Variants in ZNF518A observed in about 807,000 individuals in gnomAD.
The protein encoded by ZNF518A is zinc finger protein 518A, also known as zinc finger protein 518.
ZNF518A carries 47 observed loss-of-function variants against 102.7 expected under a neutral mutation model. That is an observed-to-expected ratio of 0.46 (90% CI 0.36 to 0.58). The LOEUF is 0.58. Among genes scored for constraint, ZNF518A ranks in the 20% least tolerant of loss-of-function variants. The pLI, the probability that ZNF518A is intolerant of heterozygous loss-of-function variation, is 0.00. For synonymous variants in ZNF518A, 652 were observed against 594.6 expected (o/e 1.10, Z -1.40); for missense variants, 1,793 against 1,699.8 (o/e 1.05, Z -0.96).
At chr10:96,140,478 A>C (rs2081862810) in intron 3 of ZNF518A, among the ~76,000 whole-genome samples, 1 of 152,214 alleles carries the variant, frequency 6.6e-6, no homozygotes, top group Non-Finnish European at 1.5e-5. Flanking sequence ...TTCCAAATCA[A>C]AATCTGCCTA....
chr10:96,193,373 G>A (rs1554893952), intron 1 of ZNF518A, among the ~76,000 whole-genome samples: 1 of 152,190 alleles, frequency 6.6e-6, no homozygotes, highest in East Asian at 1.9e-4. Context: ...GAAAAAGTGT[G>A]TCCTGAACCT....
intron 3 of ZNF518A, among the ~76,000 whole-genome samples, chr10:96,133,958 C>T (rs1029438515): frequency 2.6e-5 from 4 of 152,200 alleles, no homozygotes; most frequent in East Asian, 1.9e-4. Flanking sequence ...CTTCCTACCA[C>T]GAGATTCACA....
intron 1 of ZNF518A, among the ~76,000 whole-genome samples, chr10:96,187,762 C>T (rs1361936473): frequency 6.6e-6 from 1 of 152,252 alleles, no homozygotes; most frequent in Non-Finnish European, 1.5e-5. Flanking sequence ...ATTCCACCAC[C>T]TAGCTTGCCT....
intron 1 of ZNF518A, among the ~76,000 whole-genome samples, chr10:96,177,897 TAA>T (rs2083215365): frequency 6.6e-6 from 1 of 152,040 alleles, no homozygotes; most frequent in Admixed American, 6.6e-5. Flanking sequence ...ACCTCAATGA[TAA>T]AGAGTTCCAT....
chr10:96,182,686 A>G (rs190284486), intron 1 of ZNF518A, among the ~76,000 whole-genome samples: 36 of 152,176 alleles, frequency 2.4e-4, no homozygotes, highest in Non-Finnish European at 4.0e-4. Flanking sequence ...CAACTTGATC[A>G]TGGTGGATAA....
At chr10:96,192,671 C>T (rs1372915607) in intron 1 of ZNF518A, among the ~76,000 whole-genome samples, 1 of 152,108 alleles carries the variant, frequency 6.6e-6, no homozygotes, top group African/African-American at 2.4e-5. Flanking sequence ...ATGCTAGGCT[C>T]TCTCCATACA....
intron 2 of ZNF518A, chr10:96,133,011 T>G (rs1010153952): frequency 1.3e-5 from 2 of 152,304 alleles, no homozygotes; most frequent in East Asian, 3.9e-4. Context: ...TTTTCATAAG[T>G]TATATAAGTT....
chr10:96,159,660 A>G lies in ZNF518A; in HGVS notation c.3338A>G (p.Asn1113Ser), dbSNP rs2082901586. 4 of 1,613,538 alleles carry G rather than the reference A, an allele frequency of 2.5e-6. No homozygotes were observed. The highest frequency in any genetic ancestry group is 1.1e-5 in the South Asian group (1 of 91,082). The change falls in exon 6 of 6, where the codon AAT becomes AGT. Residue 1113 changes from asparagine (N) to serine (S), a missense_variant. Coordinates refer to ENST00000316045, the MANE Select transcript of ZNF518A (RefSeq NM_001330736.2). ...QAVFLKCVMP[N>S]KTELLKPKLV... The stretch of plus-strand genomic sequence containing the variant: ...GTTTTTTTAAAGTGTGTGATGCCAA[A>G]TAAAACTGAGCTGCTTAAGCCCAAA...
rs782572151 is a variant in ZNF518A, at chr10:96,157,508, C to G, written c.1186C>G (p.Leu396Val). 9 of 1,613,708 alleles carry G rather than the reference C, an allele frequency of 5.6e-6. No homozygotes were observed. Among genetic ancestry groups the G allele is most frequent in the South Asian group, 2.2e-5 (2 of 91,086 alleles). Residue 396 changes from leucine (L) to valine (V), a missense_variant, in exon 6 of 6, where the codon CTG becomes GTG. This residue lies in a region of ZNF518A where 1,741 missense variants were observed against 1,622.6 expected (regional missense o/e 1.07). Transcript: ENST00000316045. ...PESESEKPTPLSTGQGNRAEE... is the reference protein window; with the variant it reads ...PESESEKPTPVSTGQGNRAEE... ...ATCAGAGTCAGAGAAGCCAACTCCT[C>G]TGTCCACTGGGCAAGGTAATAGAGC...
At position 96,163,191 on chromosome 10, in the gene ZNF518A, C is replaced by T. The variant is rs2083065532; in HGVS notation, c.*2417C>T. On this transcript the variant is annotated 3_prime_UTR_variant, in exon 6 of 6. Transcript: ENST00000316045. ...ACAGCCATTTAAAGTAAGCTTTGTG[C>T]TCCAGATATTCTAGTTGGAACTTTT... 6.0e-6 allele frequency: 1 copy of T among 166,956 alleles called. No individual in the cohort carries two copies. The highest frequency in any genetic ancestry group is 1.5e-5 in the Non-Finnish European group (1 of 68,074). 10.3% of individuals were successfully genotyped at this position (166,956 alleles called of 1,614,324 possible). A position where few individuals can be genotyped will look rare whatever the true frequency, so the allele number is the denominator to read the frequency against.
chr10:96,177,822 G>A (rs1554891639), intron 1 of ZNF518A, among the ~76,000 whole-genome samples: 1 of 151,988 alleles, frequency 6.6e-6, no homozygotes, highest in East Asian at 1.9e-4. Context: ...CAATTAAAAG[G>A]CAGAAATTTG....
At position 96,190,314 on chromosome 10, in the gene ZNF518A, T is replaced by C. The variant is rs1362867614; in HGVS notation, n.36-13260T>C. The C allele has an allele frequency of 2.3e-5, 14 of 606,182 alleles. No individual in the cohort carries two copies. In the African/African-American group the frequency reaches 2.5e-4, roughly 11 times the overall value. The allele number at this position is 606,182 out of a possible 1,614,324, so 37.6% of individuals were successfully genotyped here. On this transcript the variant is annotated intron_variant and non_coding_transcript_variant, in intron 1 of 2. Coordinates refer to the ZNF518A transcript ENST00000442635. ...GCCATACAGGATGGAATCACGCCAG[T>C]AGTATTGTTCCTGTGTGTCTCTTCA...
At chr10:96,196,910 C>T in intron 1 of ZNF518A, 1 of 1,613,150 alleles carries the variant, frequency 6.2e-7, no homozygotes, top group Non-Finnish European at 8.5e-7. Flanking sequence ...TCACTGACCT[C>T]TTCACCATTT....
intron 3 of ZNF518A, among the ~76,000 whole-genome samples, chr10:96,144,644 C>T (rs1554877759): frequency 6.6e-6 from 1 of 152,012 alleles, no homozygotes; most frequent in Non-Finnish European, 1.5e-5. Flanking sequence ...GTTACTAGGT[C>T]CATATGGTGT....
At chr10:96,147,550 C>A (rs1554878932) in intron 3 of ZNF518A, among the ~76,000 whole-genome samples, 1 of 152,086 alleles carries the variant, frequency 6.6e-6, no homozygotes, top group Non-Finnish European at 1.5e-5. Flanking sequence ...TGAGATTTTG[C>A]ATGTCTTCAT....
At chr10:96,167,995 C>T (rs2083152311), downstream of ZNF518A, among the ~76,000 whole-genome samples, 1 of 152,136 alleles carries the variant, frequency 6.6e-6, no homozygotes, top group African/African-American at 2.4e-5. Context: ...GCTCTATATG[C>T]CTTCATTCTG....
In ZNF518A at chr10:96,159,563, T is replaced by G. The variant is rs782539022; in HGVS notation, c.3241T>G (p.Ser1081Ala). The G allele has an allele frequency of 1.2e-6, 2 of 1,613,920 alleles. No individual in the cohort carries two copies. Among genetic ancestry groups the G allele is most frequent in the South Asian group, 1.1e-5 (1 of 91,082 alleles). The change falls in exon 6 of 6, where the codon TCA becomes GCA. Residue 1081 changes from serine to alanine, a missense_variant. Coordinates refer to ENST00000316045, the MANE Select transcript of ZNF518A (RefSeq NM_001330736.2). Reference protein sequence around the residue: ...QQSTKLNISDSVKQQNEIFPK... With the variant: ...QQSTKLNISDAVKQQNEIFPK... ...GAGCACTAAGTTGAATATCTCCGAT[T>G]CAGTAAAACAGCAGAATGAGATTTT...
intron 1 of ZNF518A, among the ~76,000 whole-genome samples, chr10:96,173,887 A>T (rs1207151350): frequency 1.3e-5 from 2 of 152,182 alleles, no homozygotes; most frequent in Non-Finnish European, 2.9e-5. Flanking sequence ...TGAATTTGAG[A>T]GGATGGGAAT....
At chr10:96,138,675 T>C (rs1554875370) in intron 3 of ZNF518A, among the ~76,000 whole-genome samples, 1 of 152,208 alleles carries the variant, frequency 6.6e-6, no homozygotes, top group African/African-American at 2.4e-5. Context: ...AAATGTTACC[T>C]CCGTGAGGGG....
Sources: allele counts gnomAD v4.1 joint callset (sites outside exome capture counted in the v4.1 genomes callset), GRCh38; gene constraint gnomAD v4.1.1; regional missense constraint gnomAD v4.1.1; transcripts MANE v1.5; gene names NCBI Gene and HGNC (gene_info 2026-07-23, HGNC 2026-07-21).